SCN8A: variants seen among roughly 807,000 people sequenced by gnomAD.
The protein encoded by SCN8A is sodium voltage-gated channel alpha subunit 8.
In SCN8A, 30 loss-of-function variants were observed where a neutral mutation model predicts 184.1. That is an observed-to-expected ratio of 0.16 (90% CI 0.12 to 0.22). The LOEUF is 0.22. Ranked by LOEUF, SCN8A falls within the 10% of genes least tolerant of loss-of-function variation. The pLI, the probability that SCN8A is intolerant of heterozygous loss-of-function variation, is 1.00. For missense variants in SCN8A, 1,057 were observed against 2,498.9 expected (o/e 0.42, Z 12.30); for synonymous variants, 852 against 907.0 (o/e 0.94, Z 1.09).
intron 14 of SCN8A, among the ~76,000 whole-genome samples, chr12:51,752,897 T>G (rs1270851930): frequency 1.3e-5 from 2 of 152,250 alleles, no homozygotes; most frequent in Non-Finnish European, 2.9e-5. Flanking sequence ...ATTGTTGATG[T>G]TGGTGGTTCT....
chr12:51,636,072 G>T (rs983808967), intron 1 of SCN8A, among the ~76,000 whole-genome samples: 1 of 152,146 alleles, frequency 6.6e-6, no homozygotes, highest in Non-Finnish European at 1.5e-5. Context: ...TGGGCTCATT[G>T]CAAGCTCTGC....
intron 1 of SCN8A, among the ~76,000 whole-genome samples, chr12:51,633,451 T>A (rs1940244374): frequency 6.6e-6 from 1 of 152,104 alleles, no homozygotes; most frequent in Non-Finnish European, 1.5e-5. Context: ...AGTAAGAATC[T>A]TCATCAACTG....
chr12:51,766,090 G>A (rs1271974579), intron 16 of SCN8A, 63 bp downstream of exon 16: 1 of 1,311,820 alleles, frequency 7.6e-7, no homozygotes, highest in East Asian at 2.3e-5. Flanking sequence ...TGGCCCAGAA[G>A]CCCAAGTCCT....
At chr12:51,686,293 A>C (rs1941418117) in intron 3 of SCN8A, 75 bp from the exon 4 acceptor site, 2 of 846,958 alleles carry the variant, frequency 2.4e-6, no homozygotes, top group Admixed American at 4.2e-5. Flanking sequence ...TCTGATACCC[A>C]ATGGAAATGT....
intron 13 of SCN8A, among the ~76,000 whole-genome samples, chr12:51,749,986 C>A (rs1199276041): frequency 6.6e-6 from 1 of 152,138 alleles, no homozygotes; most frequent in Non-Finnish European, 1.5e-5. Context: ...ATTTTGTAAT[C>A]CTGGCAGTTG....
intron 1 of SCN8A, among the ~76,000 whole-genome samples, chr12:51,657,202 A>G (rs1256234196): frequency 1.3e-5 from 2 of 152,098 alleles, no homozygotes; most frequent in Non-Finnish European, 2.9e-5. Flanking sequence ...GGCACATAAT[A>G]TGTGGTACAG....
chr12:51,595,701 A>G (rs1565851764), intron 1 of SCN8A, among the ~76,000 whole-genome samples: 1 of 152,338 alleles, frequency 6.6e-6, no homozygotes, highest in Middle Eastern at 3.4e-3. Flanking sequence ...TTTCTGACAC[A>G]TAGTGCTTAA....
intron 16 of SCN8A, chr12:51,766,246 T>G: frequency 1.7e-6 from 1 of 572,250 alleles, no homozygotes; most frequent in African/African-American, 1.9e-5. Context: ...TTGTCAACCC[T>G]TTTCCTAGAG....
chr12:51,703,936 C>T (rs1487731036), intron 9 of SCN8A, among the ~76,000 whole-genome samples: 1 of 151,746 alleles, frequency 6.6e-6, no homozygotes, highest in Non-Finnish European at 1.5e-5. Context: ...GACAGAGTCT[C>T]GCTCTGTCGC....
intron 23 of SCN8A, among the ~76,000 whole-genome samples, 172 bp from the exon 24 acceptor site, chr12:51,789,107 CCT>C (rs1033581578): frequency 2.0e-5 from 3 of 152,144 alleles, no homozygotes; most frequent in African/African-American, 7.2e-5. Flanking sequence ...CGACTAGTGT[CCT>C]CTCAAGGCAG....
chr12:51,772,113 G>A (rs1227865202), intron 19 of SCN8A, among the ~76,000 whole-genome samples: 1 of 152,192 alleles, frequency 6.6e-6, no homozygotes, highest in African/African-American at 2.4e-5. Context: ...GAATAACAAA[G>A]TGGCCCGGTC....
Position 51,806,820 on chromosome 12 carries a change from C to T in SCN8A, c.5334C>T (p.Asp1778=), listed in dbSNP as rs1938714689. The T allele has an allele frequency of 1.2e-6, 2 of 1,614,048 alleles. No homozygotes were observed. The highest frequency in any genetic ancestry group is 1.7e-5 in the Admixed American group (1 of 59,998). ...NFSVATEESA[D]PLSEDDFETF... is the part of the protein sequence containing the mutation. Reference sequence around the variant, plus strand: ...GTGTAGCCACAGAGGAAAGTGCAGACCCTCTGAGTGAGGATGACTTTGAGA... The same window carrying T: ...GTGTAGCCACAGAGGAAAGTGCAGATCCTCTGAGTGAGGATGACTTTGAGA... The change falls in exon 27 of 27, where the codon GAC becomes GAT. Residue 1778 remains aspartate (D), a synonymous_variant. Transcript: ENST00000627620. The surrounding 1 kb of genome is among the most constrained non-coding windows in gnomAD (Gnocchi z 8.7).
At chr12:51,613,887 TTTATTC>T (rs1939776030) in intron 1 of SCN8A, among the ~76,000 whole-genome samples, 1 of 152,150 alleles carries the variant, frequency 6.6e-6, no homozygotes, top group Admixed American at 6.5e-5. Flanking sequence ...TGATTTCTAG[TTTATTC>T]CATTATGATT....
At chr12:51,679,290 C>G (rs1013965371) in intron 2 of SCN8A, among the ~76,000 whole-genome samples, 1 of 152,078 alleles carries the variant, frequency 6.6e-6, no homozygotes, top group Non-Finnish European at 1.5e-5. Flanking sequence ...TCAGATGATT[C>G]TTATGCAGTC....
intron 11 of SCN8A, chr12:51,712,433 C>T: frequency 2.6e-6 from 2 of 764,820 alleles, no homozygotes; most frequent in Non-Finnish European, 4.8e-6. Context: ...CTCTCTCCTG[C>T]TGAGAACTGT....
rs56163627 is a variant in SCN8A, at chr12:51,618,458, AACACACACACACACACACAC to A, written c.-55+27131_-55+27150del. On this transcript the variant is annotated intron_variant, in intron 1 of 26. Transcript: ENST00000627620. ...AGTCCAGGCCAAGAGATACCAGAGC[AACACACACACACACACACAC>A]ACACACACACACACACACACACACA... 2.8e-3 allele frequency among the ~76,000 whole-genome samples: 385 copies of A among 138,940 alleles called. 1 individual carries two copies. The highest frequency in any genetic ancestry group is 0.015 in the Middle Eastern group (4 of 270). The allele number at this position is 138,940 out of a possible 152,430, so 91.2% of individuals were successfully genotyped here.
At chr12:51,751,114 C>T (rs1040500502) in intron 13 of SCN8A, among the ~76,000 whole-genome samples, 7 of 152,126 alleles carry the variant, frequency 4.6e-5, no homozygotes, top group Non-Finnish European at 1.0e-4. Context: ...CCTCTGTGCT[C>T]GACTCCCATA....
intron 19 of SCN8A, 123 bp downstream of exon 19, chr12:51,770,806 A>G: frequency 9.9e-7 from 1 of 1,013,288 alleles, no homozygotes; most frequent in Non-Finnish European, 1.5e-6. Context: ...TCCCAAGAAG[A>G]ATGATCTGTT....
chr12:51,793,990 C>A (rs1334161905), intron 25 of SCN8A, among the ~76,000 whole-genome samples: 1 of 152,024 alleles, frequency 6.6e-6, no homozygotes, highest in Non-Finnish European at 1.5e-5. Flanking sequence ...GCTAAAAATA[C>A]AAAAAATTAG....
Sources: allele counts gnomAD v4.1 joint callset (sites outside exome capture counted in the v4.1 genomes callset), GRCh38; gene constraint gnomAD v4.1.1; non-coding constraint Gnocchi (gnomAD v3.1); transcripts MANE v1.5; gene names NCBI Gene and HGNC (gene_info 2026-07-23, HGNC 2026-07-21).